The following UTRN variants were observed in gnomAD, a reference collection of about 807,000 sequenced individuals.
UTRN encodes utrophin, also known as dystrophin-related protein 1.
Under a neutral mutation model 463.9 loss-of-function variants are expected in UTRN, and 283 were observed. The observed-to-expected ratio is 0.61, with a 90% CI of 0.55 to 0.67. The LOEUF is 0.67. Ranked by LOEUF, UTRN falls within the 30% of genes least tolerant of loss-of-function variation. UTRN has a pLI of 0.00. For synonymous variants in UTRN, 1,442 were observed against 1,431.5 expected, an observed-to-expected ratio of 1.01 and a Z score of -0.17; for missense variants, 3,922 against 4,084.3, an observed-to-expected ratio of 0.96 and a Z score of 1.08.
chr6:144,441,180 C>T (rs1035104835), intron 13 of UTRN, among the ~76,000 whole-genome samples: 1 of 152,174 alleles, frequency 6.6e-6, no homozygotes, highest in African/African-American at 2.4e-5. Flanking sequence ...ACAGTACCCC[C>T]AAAGTCTTAA....
At chr6:144,704,514 A>C (rs1289693873) in intron 53 of UTRN, among the ~76,000 whole-genome samples, 8 of 152,184 alleles carry the variant, frequency 5.3e-5, no homozygotes, top group Non-Finnish European at 1.2e-4. Flanking sequence ...TGGGGTAAGC[A>C]TTCTTTGTAG....
At chr6:144,344,234 G>A (rs1297119361) in intron 2 of UTRN, 8 of 1,303,958 alleles carry the variant, frequency 6.1e-6, no homozygotes, top group African/African-American at 1.5e-5. Context: ...CAGCCACCAC[G>A]TTTCATTGGA....
intron 54 of UTRN, among the ~76,000 whole-genome samples, chr6:144,741,830 C>T (rs934214161): frequency 1.4e-4 from 22 of 152,284 alleles, no homozygotes; most frequent in African/African-American, 5.3e-4. Context: ...CTCCACTCAA[C>T]TCTGGGCTTA....
intron 2 of UTRN, among the ~76,000 whole-genome samples, chr6:144,301,496 C>T (rs953477557): frequency 2.8e-5 from 4 of 143,670 alleles, no homozygotes; most frequent in Non-Finnish European, 4.6e-5. Flanking sequence ...CTAAGGGAGA[C>T]ATTTAGGGAA....
In UTRN at chr6:144,612,454, G is replaced by A. The variant is rs189234803; in HGVS notation, c.7479+35166G>A. Among the ~76,000 whole-genome samples the A allele has an allele frequency of 2.7e-3, 408 of 152,062 alleles. 1 individual carries two copies. The highest frequency in any genetic ancestry group is 0.02 in the Middle Eastern group (6 of 294). ...GAAGGGGAGAGAATATTTGCAAACC[G>A]TACATCTGATAAGGGGTTAACAGCC... On this transcript the variant is annotated intron_variant, in intron 51 of 74. Transcript: ENST00000367545.
chr6:144,820,175 T>A (rs1586708700), intron 65 of UTRN, among the ~76,000 whole-genome samples: 1 of 148,946 alleles, frequency 6.7e-6, no homozygotes, highest in Non-Finnish European at 1.5e-5. Flanking sequence ...GTGGGTGGGG[T>A]TGGGATAGTG....
chr6:144,313,772 G>C lies in UTRN; in HGVS notation c.79+21865G>C, dbSNP rs184931253. ...TTGGTCCTCTGATTTCTCTATTTCT[G>C]GGGGAGAGATGGGGATGGAAGAGGG... On this transcript the variant is annotated intron_variant, in intron 2 of 74. Coordinates refer to ENST00000367545, the MANE Select transcript of UTRN (RefSeq NM_007124.3). Among the ~76,000 whole-genome samples, 351 of 152,282 alleles carry C rather than the reference G, an allele frequency of 2.3e-3. 2 individuals are homozygous for C. The highest frequency in any genetic ancestry group is 7.6e-3 in the African/African-American group (314 of 41,534).
At chr6:144,399,586 T>TA (rs1782757023) in intron 2 of UTRN, among the ~76,000 whole-genome samples, 1 of 152,172 alleles carries the variant, frequency 6.6e-6, no homozygotes, top group Non-Finnish European at 1.5e-5. Flanking sequence ...GAACTCATGT[T>TA]ATGTTAGTGT....
intron 2 of UTRN, among the ~76,000 whole-genome samples, chr6:144,367,751 T>A (rs1228281877): frequency 6.6e-6 from 1 of 152,108 alleles, no homozygotes; most frequent in East Asian, 1.9e-4. Flanking sequence ...ATCCTAAGAA[T>A]GTGAAAACCC....
At chr6:144,289,584 A>T (rs1198377275) in intron 1 of UTRN, among the ~76,000 whole-genome samples, 1 of 152,170 alleles carries the variant, frequency 6.6e-6, no homozygotes, top group African/African-American at 2.4e-5. Flanking sequence ...AGCTTCCCAA[A>T]GTACTGGGAT....
intron 51 of UTRN, among the ~76,000 whole-genome samples, chr6:144,621,559 A>G (rs952487656): frequency 1.8e-4 from 28 of 152,288 alleles, no homozygotes; most frequent in African/African-American, 6.5e-4. Context: ...TCAGATTTGT[A>G]TATTCTCTCC....
At chr6:144,647,187 C>T (rs1215016517) in intron 51 of UTRN, among the ~76,000 whole-genome samples, 1 of 152,118 alleles carries the variant, frequency 6.6e-6, no homozygotes, top group Non-Finnish European at 1.5e-5. Context: ...CATTATTTGT[C>T]ACTCAGGTAG....
chr6:144,664,471 CTT>C (rs11446896), intron 51 of UTRN, among the ~76,000 whole-genome samples: 10 of 141,216 alleles, frequency 7.1e-5, no homozygotes, highest in Non-Finnish European at 7.7e-5. Context: ...TGTTGTCTTA[CTT>C]TTTTTTTTTT....
chr6:144,342,632 A>G (rs899504449), intron 2 of UTRN, among the ~76,000 whole-genome samples: 2 of 152,164 alleles, frequency 1.3e-5, no homozygotes, highest in Non-Finnish European at 2.9e-5. Flanking sequence ...AAAACCATAT[A>G]CTGTATGATT....
intron 46 of UTRN, among the ~76,000 whole-genome samples, chr6:144,544,567 G>A (rs1357443074): frequency 6.6e-6 from 1 of 151,890 alleles, no homozygotes; most frequent in South Asian, 2.1e-4. Context: ...ACACCTTGCC[G>A]ACTGTACTCA....
chr6:144,770,754 A>G (rs1249168343), intron 58 of UTRN, among the ~76,000 whole-genome samples: 2 of 152,244 alleles, frequency 1.3e-5, no homozygotes, highest in Admixed American at 6.5e-5. Context: ...AGTGAAGAAC[A>G]TGAGGAAAAC....
intron 9 of UTRN, among the ~76,000 whole-genome samples, chr6:144,430,809 G>C (rs145238812): frequency 1.3e-5 from 2 of 151,862 alleles, no homozygotes; most frequent in African/African-American, 4.8e-5. Flanking sequence ...AATTGACATA[G>C]CATCTTTTTT....
chr6:144,710,652 G>A (rs148020484), intron 53 of UTRN, among the ~76,000 whole-genome samples: 1 of 152,272 alleles, frequency 6.6e-6, no homozygotes, highest in Non-Finnish European at 1.5e-5. Flanking sequence ...GAGACCTGGG[G>A]CCTAGCACAT....
In UTRN at chr6:144,478,305, GTGTCT is replaced by G. The variant is rs1791464706; in HGVS notation, c.3337-1505_3337-1501del. 2.0e-5 allele frequency among the ~76,000 whole-genome samples: 3 copies of G among 152,120 alleles called. No homozygotes were observed. The South Asian group carries it at 6.2e-4, about 32-fold the overall frequency. ...TTTTGTTGTTGTTAAGCTTATGGTAGTGTCTTTATTTTCTTCATTTCTTTTTGGAT... is the reference window on the plus strand; with the variant it reads ...TTTTGTTGTTGTTAAGCTTATGGTAGTTATTTTCTTCATTTCTTTTTGGAT... On this transcript the variant is annotated intron_variant, in intron 25 of 74. Coordinates refer to ENST00000367545, the MANE Select transcript of UTRN (RefSeq NM_007124.3).
Sources: allele counts gnomAD v4.1 joint callset (sites outside exome capture counted in the v4.1 genomes callset), GRCh38; gene constraint gnomAD v4.1.1; transcripts MANE v1.5; gene names NCBI Gene and HGNC (gene_info 2026-07-23, HGNC 2026-07-21).